Variants in DCAF5 observed in about 807,000 individuals in gnomAD.
DCAF5 encodes DDB1- and CUL4-associated factor 5.
Under a neutral mutation model 80.7 loss-of-function variants are expected in DCAF5, and 9 were observed. That is an observed-to-expected ratio of 0.11 (90% CI 0.07 to 0.19). The LOEUF (loss-of-function observed/expected upper bound fraction) is 0.19. DCAF5 is among the 10% of genes least tolerant of loss of function. The probability of loss-of-function intolerance (pLI) is 1.00; values close to 1 mark genes in which losing one functional copy is unlikely to be tolerated. For synonymous variants in DCAF5, 433 were observed against 461.9 expected, an observed-to-expected ratio of 0.94 and a Z score of 0.80; for missense variants, 842 against 1,205.7, an observed-to-expected ratio of 0.70 and a Z score of 4.47.
intron 2 of DCAF5, among the ~76,000 whole-genome samples, chr14:69,120,845 C>T (rs1221905470): frequency 1.3e-5 from 2 of 152,214 alleles, no homozygotes; most frequent in African/African-American, 2.4e-5. Flanking sequence ...AACAGTCCAA[C>T]TGGACAAACA....
intron 8 of DCAF5, 115 bp downstream of exon 8, chr14:69,062,269 T>C: frequency 8.8e-7 from 1 of 1,130,800 alleles, no homozygotes; most frequent in Non-Finnish European, 1.2e-6. Context: ...AATCTGAGAA[T>C]TCTGATAGAC....
At position 69,105,914 on chromosome 14, in the gene DCAF5, C is replaced by CATATATATATATATATATATATAT. The variant is rs35075766; in HGVS notation, c.665+10428_665+10451dup. Among the ~76,000 whole-genome samples the CATATATATATATATATATATATAT allele has an allele frequency of 6.7e-3, 335 of 49,848 alleles. 13 individuals carry two copies. The highest frequency in any genetic ancestry group is 0.023 in the East Asian group (9 of 390). The allele number at this position is 49,848 out of a possible 152,430, so 32.7% of individuals were successfully genotyped here. A position where few individuals can be genotyped will look rare whatever the true frequency, so the allele number is the denominator to read the frequency against. On this transcript the variant is annotated intron_variant, in intron 5 of 8. Coordinates refer to ENST00000341516, the MANE Select transcript of DCAF5 (RefSeq NM_003861.3). Reference sequence around the variant, plus strand: ...GAGCCAATTTTCCCTAATAAACTGTCATATATATATATATATATATATATA... The same window carrying CATATATATATATATATATATATAT: ...GAGCCAATTTTCCCTAATAAACTGTCATATATATATATATATATATATATATATATATATATATATATATATATA...
chr14:69,126,821 C>G (rs969660636), intron 1 of DCAF5, among the ~76,000 whole-genome samples: 2 of 152,024 alleles, frequency 1.3e-5, no homozygotes, highest in Admixed American at 6.5e-5. Flanking sequence ...ATGGTCTTTT[C>G]AACAAATGGT....
intron 1 of DCAF5, among the ~76,000 whole-genome samples, chr14:69,137,823 CT>C (rs1222339876): frequency 1.3e-5 from 2 of 152,160 alleles, no homozygotes; most frequent in African/African-American, 4.8e-5. Flanking sequence ...ATTCACATAA[CT>C]TTTATTACAG....
intron 6 of DCAF5, 41 bp downstream of exon 6, chr14:69,091,633 A>C: frequency 1.3e-6 from 2 of 1,556,636 alleles, no homozygotes; most frequent in Non-Finnish European, 1.8e-6. Flanking sequence ...AATCAGAAAG[A>C]AAAGCATAAG....
chr14:69,053,469 C>T lies in DCAF5; in HGVS notation c.*388G>A, dbSNP rs2037824476. The stretch of plus-strand genomic sequence containing the variant: ...TGGCAAAAAGTACAAATTCATAGGT[C>T]CTTTCTGATGGAGAACTAAAAGGAA... On this transcript the variant is annotated 3_prime_UTR_variant, in exon 9 of 9. Coordinates refer to ENST00000341516, the MANE Select transcript of DCAF5 (RefSeq NM_003861.3). 5.9e-6 allele frequency: 1 copy of T among 170,440 alleles called. No homozygotes were observed. Among genetic ancestry groups the T allele is most frequent in the Non-Finnish European group, 1.3e-5 (1 of 79,190 alleles). 10.6% of individuals were successfully genotyped at this position (170,440 alleles called of 1,614,324 possible). A position where few individuals can be genotyped will look rare whatever the true frequency, so the allele number is the denominator to read the frequency against.
Position 69,128,790 on chromosome 14 carries a change from C to A in DCAF5, c.215-6430G>T, listed in dbSNP as rs73278988. 3.6e-4 allele frequency among the ~76,000 whole-genome samples: 54 copies of A among 151,942 alleles called. No individual in the cohort carries two copies. The South Asian group carries it at 8.6e-3, about 24-fold the overall frequency. On this transcript the variant is annotated intron_variant, in intron 1 of 8. Coordinates refer to ENST00000341516, the MANE Select transcript of DCAF5 (RefSeq NM_003861.3). ...CTCAAAACAAACAACAACAAAAAAACCAAAAACAGAATATCTGCCAGGCCC... is the reference window on the plus strand; with the variant it reads ...CTCAAAACAAACAACAACAAAAAAAACAAAAACAGAATATCTGCCAGGCCC...
At chr14:69,139,819 C>G (rs2041307523) in intron 1 of DCAF5, among the ~76,000 whole-genome samples, 1 of 141,570 alleles carries the variant, frequency 7.1e-6, no homozygotes, top group Non-Finnish European at 1.5e-5. Flanking sequence ...TGAATAAGAC[C>G]CTGTCTCAAA....
At chr14:69,059,582 C>A (rs1021616610) in intron 8 of DCAF5, among the ~76,000 whole-genome samples, 1 of 152,346 alleles carries the variant, frequency 6.6e-6, no homozygotes, top group Admixed American at 6.5e-5. Context: ...AGCGGCCTTT[C>A]AGGATAACGT....
intron 5 of DCAF5, among the ~76,000 whole-genome samples, chr14:69,103,989 T>C (rs1448100437): frequency 2.0e-5 from 3 of 152,326 alleles, no homozygotes; most frequent in African/African-American, 7.2e-5. Context: ...ATGTACCACA[T>C]TCACCTAATG....
chr14:69,109,830 A>T (rs2040293614), intron 5 of DCAF5, among the ~76,000 whole-genome samples: 1 of 152,158 alleles, frequency 6.6e-6, no homozygotes, highest in Admixed American at 6.5e-5. Context: ...TTTCTCTTAG[A>T]TATACTTAAG....
chr14:69,115,576 T>A (rs1034091020), intron 5 of DCAF5, among the ~76,000 whole-genome samples: 1 of 152,206 alleles, frequency 6.6e-6, no homozygotes, highest in Non-Finnish European at 1.5e-5. Flanking sequence ...GGAAGTTTTT[T>A]AATACAGCAT....
At chr14:69,066,137 G>GTT (rs1212937696) in intron 7 of DCAF5, among the ~76,000 whole-genome samples, 15 of 141,444 alleles carry the variant, frequency 1.1e-4, no homozygotes, top group Admixed American at 1.4e-4. Context: ...TGCTGACACT[G>GTT]TTTTTTTTTT....
At chr14:69,106,768 G>A (rs1301352997) in intron 5 of DCAF5, among the ~76,000 whole-genome samples, 1 of 152,172 alleles carries the variant, frequency 6.6e-6, no homozygotes, top group Non-Finnish European at 1.5e-5. Flanking sequence ...GGCTGGGCGC[G>A]GTGGCTCATG....
intron 1 of DCAF5, among the ~76,000 whole-genome samples, chr14:69,134,916 C>T (rs1389987707): frequency 6.6e-6 from 1 of 152,096 alleles, no homozygotes; most frequent in African/African-American, 2.4e-5. Flanking sequence ...AATATTCACA[C>T]CCATTGACTC....
intron 6 of DCAF5, chr14:69,085,476 G>C (rs1381409714): frequency 7.4e-5 from 28 of 380,728 alleles, no homozygotes; most frequent in Non-Finnish European, 1.3e-4. Flanking sequence ...GTAGCCTTTA[G>C]AATTTGGACT....
chr14:69,112,594 T>TACACACACACACAC (rs3044674), intron 5 of DCAF5, among the ~76,000 whole-genome samples: 2,320 of 145,166 alleles, frequency 0.016, 66 homozygotes, highest in African/African-American at 0.056. Flanking sequence ...TATATATGTA[T>TACACACACACACAC]ACACACACAC....
intron 5 of DCAF5, among the ~76,000 whole-genome samples, chr14:69,109,944 G>A (rs1233712457): frequency 2.0e-5 from 3 of 152,154 alleles, no homozygotes; most frequent in Non-Finnish European, 4.4e-5. Context: ...TAAAATGTAT[G>A]AGTGTTTCAG....
At position 69,062,455 on chromosome 14, in the gene DCAF5, T is replaced by C. The variant is rs1485544326; in HGVS notation, c.1003A>G (p.Ile335Val). ...GGATTAAATCGGACTTGGTTAACAA[T>C]AGATCGATGCCCTTTCAGCACCATG... The part of the protein sequence containing the change: ...AFMVLKGHRS[I>V]VNQVRFNPHT... The change falls in exon 8 of 9, where the codon ATT (isoleucine) becomes GTT (valine). Residue 335 changes from isoleucine (I) to valine (V), a missense_variant. Transcript: ENST00000341516. The C allele has an allele frequency of 1.9e-6, 3 of 1,613,998 alleles. No individual in the cohort carries two copies. Among genetic ancestry groups the C allele is most frequent in the Admixed American group, 1.7e-5 (1 of 60,008 alleles).
Sources: gnomAD v4.1 joint callset for allele counts (sites outside exome capture counted in the v4.1 genomes callset) on GRCh38, gnomAD v4.1.1 for gene constraint, MANE v1.5 for transcripts, NCBI Gene and HGNC (gene_info 2026-07-23, HGNC 2026-07-21) for gene names.